Variants in ADGRL2 observed in about 807,000 individuals in gnomAD.
ADGRL2 encodes the protein calcium-independent alpha-latrotoxin receptor 2.
Under a neutral mutation model 157.4 loss-of-function variants are expected in ADGRL2, and 44 were observed. The ratio of observed to expected loss-of-function variants is 0.28; its 90% CI spans 0.22 to 0.36. The LOEUF is 0.36. ADGRL2 is among the 10% of genes least tolerant of loss of function. The pLI is 1.00. For synonymous variants in ADGRL2, 585 were observed against 624.7 expected, an observed-to-expected ratio of 0.94 and a Z score of 0.95; for missense variants, 1,510 against 1,768.9, an observed-to-expected ratio of 0.85 and a Z score of 2.63.
intron 1 of ADGRL2, among the ~76,000 whole-genome samples, chr1:81,737,278 G>T (rs1234608620): frequency 6.6e-6 from 1 of 152,168 alleles, no homozygotes; most frequent in Non-Finnish European, 1.5e-5. Context: ...GTTCTGCAGG[G>T]AGCATGGCTA....
intron 2 of ADGRL2, among the ~76,000 whole-genome samples, chr1:81,846,904 T>G (rs2092812155): frequency 6.6e-6 from 1 of 151,946 alleles, no homozygotes; most frequent in African/African-American, 2.4e-5. Context: ...GTTGACAGGC[T>G]TTTTAAAAAG....
intron 1 of ADGRL2, among the ~76,000 whole-genome samples, chr1:81,720,828 T>G (rs1361768426): frequency 2.0e-5 from 3 of 151,184 alleles, no homozygotes; most frequent in Admixed American, 2.0e-4. Context: ...ACTGGATAAC[T>G]TGTGAGTCTG....
intron 1 of ADGRL2, among the ~76,000 whole-genome samples, chr1:81,440,921 T>C (rs142820136): frequency 6.6e-6 from 1 of 152,342 alleles, no homozygotes; most frequent in East Asian, 1.9e-4. Flanking sequence ...CTTTCTTGTC[T>C]GGACTGTAAC....
intron 2 of ADGRL2, among the ~76,000 whole-genome samples, chr1:81,516,324 T>C (rs2079177514): frequency 2.0e-5 from 3 of 152,172 alleles, no homozygotes; most frequent in African/African-American, 7.2e-5. Context: ...GTCCAGAAGG[T>C]TGGGAATGTA....
chr1:81,465,105 C>T (rs910363307), intron 2 of ADGRL2, among the ~76,000 whole-genome samples: 54 of 152,016 alleles, frequency 3.6e-4, no homozygotes, highest in Non-Finnish European at 7.2e-4. Flanking sequence ...TTGTTTAGAT[C>T]TACTGTATTG....
chr1:81,910,939 T>A lies in ADGRL2; in HGVS notation c.287+3709T>A, dbSNP rs529374326. 1.6e-4 allele frequency among the ~76,000 whole-genome samples: 24 copies of A among 152,052 alleles called. No homozygotes were observed. The East Asian group carries it at 4.6e-3, about 29-fold the overall frequency. ...GAAAGCCCCCCTTCCTTTTTTTTTT[T>A]ACATGTGATGATAGAGATGGGCATA... On this transcript the variant is annotated intron_variant, in intron 3 of 23. Coordinates refer to ENST00000686636, the MANE Select transcript of ADGRL2 (RefSeq NM_001366006.2).
upstream of ADGRL2, among the ~76,000 whole-genome samples, chr1:81,695,492 G>T (rs923954089): frequency 1.3e-5 from 2 of 152,114 alleles, no homozygotes; most frequent in African/African-American, 4.8e-5. Context: ...TCACCCCTTG[G>T]ATTAGCACAC....
At chr1:81,916,335 C>T (rs2094853683) in intron 3 of ADGRL2, among the ~76,000 whole-genome samples, 1 of 152,074 alleles carries the variant, frequency 6.6e-6, no homozygotes. Flanking sequence ...ATTTTGCTTA[C>T]AAGCATCCTT....
intron 1 of ADGRL2, among the ~76,000 whole-genome samples, 75 bp downstream of exon 1, chr1:81,801,143 A>T (rs2088025292): frequency 6.6e-6 from 1 of 152,070 alleles, no homozygotes; most frequent in African/African-American, 2.4e-5. Context: ...TGGAGTGGAA[A>T]ACGGCCATTG....
intron 2 of ADGRL2, among the ~76,000 whole-genome samples, chr1:81,777,958 C>T (rs1166459279): frequency 6.6e-6 from 1 of 152,074 alleles, no homozygotes; most frequent in South Asian, 2.1e-4. Context: ...AGCCTTCCTC[C>T]AGACTGACAC....
intron 1 of ADGRL2, among the ~76,000 whole-genome samples, chr1:81,735,633 T>A (rs2084869772): frequency 1.3e-5 from 2 of 151,164 alleles, no homozygotes; most frequent in Non-Finnish European, 2.9e-5. Flanking sequence ...TTACTAAAAA[T>A]ACAAAAATTA....
chr1:81,799,921 T>C (rs2087803604), upstream of ADGRL2, among the ~76,000 whole-genome samples: 1 of 152,180 alleles, frequency 6.6e-6, no homozygotes, highest in African/African-American at 2.4e-5. Context: ...TTTTGTGGCA[T>C]GCACAGGACA....
intron 1 of ADGRL2, among the ~76,000 whole-genome samples, chr1:81,378,177 CA>C (rs71088208): frequency 7.4e-4 from 108 of 146,236 alleles, no homozygotes; most frequent in Admixed American, 8.8e-4. Flanking sequence ...GACTCTGTCT[CA>C]AAAAAAAAAA....
chr1:81,349,703 C>T (rs1037636536), intron 1 of ADGRL2, among the ~76,000 whole-genome samples: 1 of 151,628 alleles, frequency 6.6e-6, no homozygotes, highest in African/African-American at 2.4e-5. Context: ...TCCAAGCATT[C>T]TCTCATCAGC....
chr1:81,942,741 AG>A, intron 5 of ADGRL2: 1 of 575,312 alleles, frequency 1.7e-6, no homozygotes, highest in Non-Finnish European at 3.2e-6. Context: ...TCTTAAACTT[AG>A]GCTTTTGTTA....
intron 10 of ADGRL2, among the ~76,000 whole-genome samples, chr1:81,954,823 C>A (rs911758159): frequency 2.6e-5 from 4 of 152,154 alleles, no homozygotes; most frequent in Non-Finnish European, 2.9e-5. Context: ...ACAACTTTCC[C>A]CCCTGTTCAT....
At chr1:81,774,324 T>C (rs1292342206) in intron 2 of ADGRL2, among the ~76,000 whole-genome samples, 1 of 152,220 alleles carries the variant, frequency 6.6e-6, no homozygotes, top group African/African-American at 2.4e-5. Flanking sequence ...ACCTTCAGTT[T>C]CTCTTCATTC....
At chr1:81,646,456 T>C (rs1453381944) in intron 3 of ADGRL2, among the ~76,000 whole-genome samples, 1 of 152,232 alleles carries the variant, frequency 6.6e-6, no homozygotes, top group African/African-American at 2.4e-5. Context: ...TTTATGCTAA[T>C]TGCTTCTCAA....
chr1:81,710,719 T>C (rs183977387), intron 1 of ADGRL2, among the ~76,000 whole-genome samples: 1 of 150,956 alleles, frequency 6.6e-6, no homozygotes, highest in East Asian at 1.9e-4. Flanking sequence ...TTTAAAAATA[T>C]TTGTTAATTC....
Sources: gnomAD v4.1 joint callset for allele counts (sites outside exome capture counted in the v4.1 genomes callset) on GRCh38, gnomAD v4.1.1 for gene constraint, MANE v1.5 for transcripts, NCBI Gene and HGNC (gene_info 2026-07-23, HGNC 2026-07-21) for gene names.